ZDHHC16: variants seen among roughly 807,000 people sequenced by gnomAD.
The protein encoded by ZDHHC16 is zDHHC palmitoyltransferase 16, also known as palmitoyltransferase ZDHHC16.
A neutral mutation model predicts 54.4 loss-of-function variants in ZDHHC16; 33 were observed. The ratio of observed to expected loss-of-function variants is 0.61; its 90% CI spans 0.46 to 0.81. The LOEUF is 0.81. Among genes scored for constraint, ZDHHC16 ranks in the 30% least tolerant of loss-of-function variants. ZDHHC16 has a pLI of 0.00. For synonymous variants in ZDHHC16, 185 were observed against 182.1 expected (o/e 1.02, Z -0.13); for missense variants, 420 against 485.9 (o/e 0.86, Z 1.28).
At chr10:97,452,778 C>A in intron 5 of ZDHHC16, 117 bp from the exon 6 acceptor site, 1 of 1,410,438 alleles carries the variant, frequency 7.1e-7, no homozygotes, top group Non-Finnish European at 1.0e-6. Context: ...GCCTGGCTGT[C>A]TTCAAAGTCT....
In ZDHHC16 at chr10:97,452,875, C is replaced by T; in HGVS notation, c.528-20C>T. On this transcript the variant is annotated intron_variant, in intron 5 of 11. Transcript: ENST00000393760. ...AAGAACTTTGGCCACCGTAACAGAG[C>T]CTGTGTCCCTTCCTCACAGGTGTGT... 2 of 1,614,194 alleles carry T rather than the reference C, an allele frequency of 1.2e-6. No homozygotes were observed. Among genetic ancestry groups the T allele is most frequent in the East Asian group, 2.2e-5 (1 of 44,886 alleles).
Position 97,451,851 on chromosome 10 carries a change from C to T in ZDHHC16, c.176C>T (p.Thr59Ile). The change falls in exon 3 of 12, where the codon ACC becomes ATC. Residue 59 changes from threonine (T) to isoleucine (I), a missense_variant. Transcript: ENST00000393760. ...TACAACTCCTTTGGGGGCAGTGACA[C>T]CGCTGTTGATGCTGCCTTTGAGCCT... ...LLYNSFGGSDTAVDAAFEPVY... is the reference protein window; with the variant it reads ...LLYNSFGGSDIAVDAAFEPVY... The T allele has an allele frequency of 6.2e-7, 1 of 1,614,218 alleles. No homozygotes were observed. The highest frequency in any genetic ancestry group is 2.2e-5 in the East Asian group (1 of 44,880).
At chr10:97,452,805 A>T in intron 5 of ZDHHC16, 90 bp from the exon 6 acceptor site, 1 of 1,570,348 alleles carries the variant, frequency 6.4e-7, no homozygotes, top group Non-Finnish European at 8.8e-7. Context: ...TTTCCACCTC[A>T]GCAGGATGCT....
chr10:97,457,234 A>G lies in ZDHHC16; in HGVS notation c.*343A>G, dbSNP rs1019857326. The G allele has an allele frequency of 4.2e-5, 7 of 168,466 alleles. No homozygotes were observed. The highest frequency in any genetic ancestry group is 1.7e-4 in the African/African-American group (7 of 42,102). 10.4% of individuals were successfully genotyped at this position (168,466 alleles called of 1,614,324 possible). A position where few individuals can be genotyped will look rare whatever the true frequency, so the allele number is the denominator to read the frequency against. ...CACCACCTCTTCTACTTGCTGTCTG[A>G]AAAAACACCTGACTAGTACAGCTGA... On this transcript the variant is annotated 3_prime_UTR_variant, in exon 12 of 12. Transcript: ENST00000393760.
In ZDHHC16 at chr10:97,457,145, G is replaced by T. The variant is rs1342122136; in HGVS notation, c.*254G>T. 3.8e-6 allele frequency: 1 copy of T among 265,926 alleles called. No homozygotes were observed. The highest frequency in any genetic ancestry group is 7.2e-5 in the East Asian group (1 of 13,818). The allele number at this position is 265,926 out of a possible 1,614,324, so 16.5% of individuals were successfully genotyped here. A position where few individuals can be genotyped will look rare whatever the true frequency, so the allele number is the denominator to read the frequency against. On this transcript the variant is annotated 3_prime_UTR_variant, in exon 12 of 12. Coordinates refer to ENST00000393760, the MANE Select transcript of ZDHHC16 (RefSeq NM_198046.3). ...CCAACCCCAGACTAGGGGTCAGGCA[G>T]CTAGCTACCTACCTTGCCCAGTGCT...
At chr10:97,454,238 C>CA (rs1254097717) in intron 8 of ZDHHC16, among the ~76,000 whole-genome samples, 1 of 152,210 alleles carries the variant, frequency 6.6e-6, no homozygotes. Flanking sequence ...CCTGCCCCCC[C>CA]AGTACCTTTT....
chr10:97,456,825 G>T lies in ZDHHC16; in HGVS notation c.1068G>T (p.Gly356=). 1 of 1,613,762 alleles carries T rather than the reference G, an allele frequency of 6.2e-7. No individual in the cohort carries two copies. Among genetic ancestry groups the T allele is most frequent in the Non-Finnish European group, 8.5e-7 (1 of 1,179,816 alleles). Residue 356 remains glycine, a synonymous_variant, in exon 12 of 12, where the codon GGG becomes GGT. Coordinates refer to ENST00000393760, the MANE Select transcript of ZDHHC16 (RefSeq NM_198046.3). ...TACCTTCTAGTCACTTGCCCCATGG[G>T]AATGGAATGAGCTGGGAGCCCCCTC... ...VLLPSSHLPH[G]NGMSWEPPPW...
intron 6 of ZDHHC16, 46 bp from the exon 7 acceptor site, chr10:97,453,484 G>A (rs369545443): frequency 8.0e-5 from 128 of 1,601,050 alleles, no homozygotes; most frequent in Middle Eastern, 3.3e-4. Flanking sequence ...CCTGGACACC[G>A]CCTGAAATTG....
chr10:97,451,815 G>A lies in ZDHHC16; in HGVS notation c.140G>A (p.Arg47His), dbSNP rs765232890. Residue 47 changes from arginine to histidine, a missense_variant, in exon 3 of 12, where the codon CGC becomes CAC. Arg to His is a conservative substitution (Grantham distance 29). Coordinates refer to ENST00000393760, the MANE Select transcript of ZDHHC16 (RefSeq NM_198046.3). ...TGGCGCTACGGCAAGGTCTGCCTGC[G>A]CTCCCTGCTCTACAACTCCTTTGGG... The part of the protein sequence containing the change: ...QRWRYGKVCL[R>H]SLLYNSFGGS... The A allele has an allele frequency of 2.0e-5, 33 of 1,614,200 alleles. No individual in the cohort carries two copies. Among genetic ancestry groups the A allele is most frequent in the Non-Finnish European group, 2.3e-5 (27 of 1,180,046 alleles).
chr10:97,453,516 C>A lies in ZDHHC16; in HGVS notation c.557-14C>A. Reference sequence around the variant, plus strand: ...ATTGTGTTTGATTCTAGTCCTTAATCATTTCCCAACCAGCCTGGCTAAACA... The same window carrying A: ...ATTGTGTTTGATTCTAGTCCTTAATAATTTCCCAACCAGCCTGGCTAAACA... On this transcript the variant is annotated splice_polypyrimidine_tract_variant and intron_variant, in intron 6 of 11. Transcript: ENST00000393760. 6.2e-7 allele frequency: 1 copy of A among 1,613,436 alleles called. No homozygotes were observed. Among genetic ancestry groups the A allele is most frequent in the South Asian group, 1.1e-5 (1 of 91,042 alleles).
At position 97,453,834 on chromosome 10, in the gene ZDHHC16, G is replaced by A. The variant is rs763242482; in HGVS notation, c.726G>A (p.Ala242=). ...MKQLDKNKLQ[A]VANQTYHQTP... is the part of the protein sequence containing the mutation. ...AGCTCGACAAGAACAAACTACAGGC[G>A]GTTGCCAACCAGGTGGGCTGTCCCC... The change falls in exon 8 of 12, where the codon GCG becomes GCA. Residue 242 remains alanine (A), a synonymous_variant. Coordinates refer to ENST00000393760, the MANE Select transcript of ZDHHC16 (RefSeq NM_198046.3). 19 of 1,614,090 alleles carry A rather than the reference G, an allele frequency of 1.2e-5. No individual in the cohort carries two copies. The highest frequency in any genetic ancestry group is 3.3e-5 in the South Asian group (3 of 91,080).
At position 97,449,956 on chromosome 10, in the gene ZDHHC16, C is replaced by T. The variant is rs554605450; in HGVS notation, c.-185-401C>T. 1.6e-4 allele frequency among the ~76,000 whole-genome samples: 23 copies of T among 147,600 alleles called. No homozygotes were observed. In the East Asian group the frequency reaches 4.5e-3, roughly 29 times the overall value. ...GCGCAATCTCGGCTCACTGCAAGCT[C>T]CGCTTCCCGGGTTCACGCCATTCTC... On this transcript the variant is annotated intron_variant, in intron 1 of 11. Coordinates refer to ENST00000393760, the MANE Select transcript of ZDHHC16 (RefSeq NM_198046.3).
chr10:97,451,638 A>G, intron 2 of ZDHHC16, 33 bp from the exon 3 acceptor site: 1 of 1,582,282 alleles, frequency 6.3e-7, no homozygotes, highest in Non-Finnish European at 8.6e-7. Context: ...GGGAGGGCTC[A>G]GACTAGATCC....
chr10:97,455,898 T>C, intron 10 of ZDHHC16, 76 bp from the exon 11 acceptor site: 1 of 1,607,546 alleles, frequency 6.2e-7, no homozygotes, highest in African/African-American at 1.3e-5. Flanking sequence ...CCAGAACTAC[T>C]CTATCTGAGC....
chr10:97,454,606 CCT>C (rs1034446917), intron 8 of ZDHHC16, 106 bp from the exon 9 acceptor site: 28 of 1,042,740 alleles, frequency 2.7e-5, no homozygotes, highest in African/African-American at 4.7e-5. Flanking sequence ...GTGGCTTTAC[CCT>C]GTTTTCTCTG....
At chr10:97,456,078 C>G (rs1354741627) in intron 11 of ZDHHC16, 34 bp downstream of exon 11, 4 of 1,604,794 alleles carry the variant, frequency 2.5e-6, no homozygotes, top group Non-Finnish European at 3.4e-6. Context: ...TGCTGTCCAA[C>G]AGAACACTGT....
rs141486151 is a variant in ZDHHC16 at position 97,452,006 on chromosome 10, C to T, written c.244-84C>T. 3.0e-4 allele frequency: 481 copies of T among 1,596,300 alleles called. 3 individuals are homozygous for T. The highest frequency in any genetic ancestry group is 6.8e-4 in the Middle Eastern group (4 of 5,856). On this transcript the variant is annotated intron_variant, in intron 3 of 11. Transcript: ENST00000393760. The stretch of plus-strand genomic sequence containing the variant: ...CAGACCCAACCCAGGTTTTGGAGGC[C>T]GGCCCCCACCCCCAGGGAAACTCCG...
At chr10:97,446,622 T>C (rs1198500143) in intron 1 of ZDHHC16, among the ~76,000 whole-genome samples, 1 of 152,238 alleles carries the variant, frequency 6.6e-6, no homozygotes, top group South Asian at 2.1e-4. Flanking sequence ...ATGATCAAGA[T>C]AGTTAAGATA....
At position 97,451,829 on chromosome 10, in the gene ZDHHC16, A is replaced by G. The variant is rs760286587; in HGVS notation, c.154A>G (p.Asn52Asp). Residue 52 changes from asparagine to aspartate, a missense_variant, in exon 3 of 12, where the codon AAC (asparagine) becomes GAC (aspartate). Coordinates refer to ENST00000393760, the MANE Select transcript of ZDHHC16 (RefSeq NM_198046.3). ...GKVCLRSLLY[N>D]SFGGSDTAVD... ...GGTCTGCCTGCGCTCCCTGCTCTAC[A>G]ACTCCTTTGGGGGCAGTGACACCGC... 2 of 1,614,194 alleles carry G rather than the reference A, an allele frequency of 1.2e-6. No individual in the cohort carries two copies. The highest frequency in any genetic ancestry group is 1.7e-6 in the Non-Finnish European group (2 of 1,180,046).
Sources: gnomAD v4.1 joint callset for allele counts (sites outside exome capture counted in the v4.1 genomes callset) on GRCh38, gnomAD v4.1.1 for gene constraint, MANE v1.5 for transcripts, NCBI Gene and HGNC (gene_info 2026-07-23, HGNC 2026-07-21) for gene names.